The following RAPH1 variants were observed in gnomAD, a reference collection of about 807,000 sequenced individuals.
RAPH1 encodes Ras association (RalGDS/AF-6) and pleckstrin homology domains 1, also known as ras-associated and pleckstrin homology domains-containing protein 1.
A neutral mutation model predicts 88.1 loss-of-function variants in RAPH1; 18 were observed. That is an observed-to-expected ratio of 0.20 (90% CI 0.14 to 0.30). The LOEUF is 0.30. Ranked by LOEUF, RAPH1 falls within the 10% of genes least tolerant of loss-of-function variation. The probability of loss-of-function intolerance (pLI) is 1.00; values close to 1 mark genes in which losing one functional copy is unlikely to be tolerated. For missense variants in RAPH1, 1,448 were observed against 1,543.2 expected (o/e 0.94, Z 1.03); for synonymous variants, 587 against 559.0 (o/e 1.05, Z -0.71).
rs1311397917 is a variant in RAPH1, at chr2:203,454,481, C to T, written c.1362G>A (p.Gln454=). 1.2e-6 allele frequency: 2 copies of T among 1,613,538 alleles called. No individual in the cohort carries two copies. The highest frequency in any genetic ancestry group is 1.6e-4 in the Middle Eastern group (1 of 6,084). ...GTGCTTTGTATTTGTTCCGATAGTC[C>T]TGGCCATAATAAACGTTGACATGAT... ...QLDHVNVYYG[Q]DYRNKYKAPT... The change falls in exon 10 of 14, where the codon CAG becomes CAA. Residue 454 remains glutamine (Q), a synonymous_variant. Coordinates refer to ENST00000319170, the MANE Select transcript of RAPH1 (RefSeq NM_213589.3).
At chr2:203,525,997 G>GA (rs1690098399) in intron 1 of RAPH1, among the ~76,000 whole-genome samples, 1 of 149,886 alleles carries the variant, frequency 6.7e-6, no homozygotes, top group South Asian at 2.1e-4. Context: ...GAGGTGTTCC[G>GA]AAAAAAAATA....
At chr2:203,482,625 C>T (rs867821114) in intron 4 of RAPH1, among the ~76,000 whole-genome samples, 4 of 152,026 alleles carry the variant, frequency 2.6e-5, no homozygotes, top group African/African-American at 9.7e-5. Context: ...TAAAAATACA[C>T]TGTCATGTAT....
At chr2:203,452,850 A>C (rs796269752) in intron 10 of RAPH1, among the ~76,000 whole-genome samples, 10 of 152,268 alleles carry the variant, frequency 6.6e-5, no homozygotes, top group African/African-American at 2.4e-4. Context: ...CGGGAAGCTA[A>C]GGCATGAGAA....
chr2:203,477,430 T>C (rs1687513878), intron 4 of RAPH1, among the ~76,000 whole-genome samples: 1 of 152,180 alleles, frequency 6.6e-6, no homozygotes, highest in Non-Finnish European at 1.5e-5. Context: ...GCAGAAACAT[T>C]ATGTCTAATA....
chr2:203,442,053 AG>A (rs763283439), intron 13 of RAPH1: 19 of 1,595,538 alleles, frequency 1.2e-5, no homozygotes, highest in Non-Finnish European at 1.5e-5. Context: ...ATGCAGGTAA[AG>A]GGGGGACATT....
chr2:203,503,724 T>C (rs1181863343), intron 1 of RAPH1, among the ~76,000 whole-genome samples: 7 of 152,216 alleles, frequency 4.6e-5, no homozygotes, highest in Admixed American at 3.3e-4. Flanking sequence ...AAGTCCCATC[T>C]GAGACAAGGC....
intron 1 of RAPH1, among the ~76,000 whole-genome samples, chr2:203,518,997 T>TC (rs1581402571): frequency 6.6e-6 from 1 of 152,218 alleles, no homozygotes. Context: ...CTAAAGAAAC[T>TC]CCATCAATAA....
chr2:203,474,430 C>T (rs1559471032), intron 4 of RAPH1, among the ~76,000 whole-genome samples: 1 of 152,204 alleles, frequency 6.6e-6, no homozygotes, highest in Non-Finnish European at 1.5e-5. Context: ...TTGCTTATAA[C>T]AATCTGAGCT....
chr2:203,466,710 C>A (rs1440112023), intron 4 of RAPH1, among the ~76,000 whole-genome samples: 2 of 152,182 alleles, frequency 1.3e-5, no homozygotes, highest in African/African-American at 4.8e-5. Context: ...ATTTCTCTCC[C>A]ATACCTTCTC....
At chr2:203,466,654 T>A (rs1329728616) in intron 4 of RAPH1, among the ~76,000 whole-genome samples, 3 of 152,234 alleles carry the variant, frequency 2.0e-5, no homozygotes, top group Non-Finnish European at 1.5e-5. Flanking sequence ...TCTTCACAAC[T>A]ATATTAAACT....
chr2:203,455,631 A>C (rs780575196), intron 8 of RAPH1, 51 bp from the exon 9 acceptor site: 23 of 1,573,388 alleles, frequency 1.5e-5, no homozygotes, highest in Admixed American at 1.2e-4. Flanking sequence ...GATTCTCAGA[A>C]CAAAGTTGTG....
At chr2:203,481,716 C>T (rs1242057340) in intron 4 of RAPH1, among the ~76,000 whole-genome samples, 1 of 150,100 alleles carries the variant, frequency 6.7e-6, no homozygotes, top group Non-Finnish European at 1.5e-5. Flanking sequence ...CTCAGCCTCC[C>T]GAGTAGCTGG....
chr2:203,496,044 T>C (rs554108090), intron 1 of RAPH1, among the ~76,000 whole-genome samples: 1 of 152,342 alleles, frequency 6.6e-6, no homozygotes, highest in East Asian at 1.9e-4. Flanking sequence ...AAGAAGAAAT[T>C]ATCTTCCTTC....
chr2:203,522,693 G>A (rs1174147675), intron 1 of RAPH1, among the ~76,000 whole-genome samples: 1 of 151,958 alleles, frequency 6.6e-6, no homozygotes, highest in East Asian at 1.9e-4. Context: ...CCTGAGGTCA[G>A]GAGTTCGAGA....
In RAPH1 at chr2:203,518,829, A is replaced by T. The variant is rs566432808; in HGVS notation, c.-1+16282T>A. ...CACTGCACTCTAGCATGGGCAACAGAACAAAATCCTGTCTCTTTAAAGAAA... is the reference window on the plus strand; with the variant it reads ...CACTGCACTCTAGCATGGGCAACAGTACAAAATCCTGTCTCTTTAAAGAAA... On this transcript the variant is annotated intron_variant, in intron 1 of 13. Transcript: ENST00000319170. 1.4e-4 allele frequency among the ~76,000 whole-genome samples: 21 copies of T among 152,310 alleles called. No homozygotes were observed. The South Asian group carries it at 4.4e-3, about 32-fold the overall frequency.
intron 4 of RAPH1, among the ~76,000 whole-genome samples, chr2:203,462,982 T>C (rs149725565): frequency 2.6e-5 from 4 of 152,054 alleles, no homozygotes; most frequent in African/African-American, 9.6e-5. Context: ...GGCAGATCAT[T>C]TGAGGTCAGG....
intron 9 of RAPH1, among the ~76,000 whole-genome samples, chr2:203,454,925 C>T (rs916382673): frequency 7.2e-5 from 11 of 152,126 alleles, no homozygotes; most frequent in African/African-American, 2.7e-4. Flanking sequence ...TGATTCGCAA[C>T]TGGTTGGGGG....
At position 203,453,461 on chromosome 2, in the gene RAPH1, G is replaced by A. The variant is rs189655151; in HGVS notation, c.1413+969C>T. Among the ~76,000 whole-genome samples the A allele has an allele frequency of 1.5e-4, 22 of 147,688 alleles. No individual in the cohort carries two copies. The East Asian group carries it at 3.8e-3, about 26-fold the overall frequency. ...CTTGGGAGACTGAGCTGGGAATATC[G>A]CTGGAGCCTGAGAAGTCGAGGCTAC... On this transcript the variant is annotated intron_variant, in intron 10 of 13. Transcript: ENST00000319170.
At chr2:203,507,670 G>C (rs916592446) in intron 1 of RAPH1, among the ~76,000 whole-genome samples, 2 of 152,068 alleles carry the variant, frequency 1.3e-5, no homozygotes, top group African/African-American at 4.8e-5. Context: ...TGATGGCCAA[G>C]AAACAAAGAA....
Sources: gnomAD v4.1 joint callset for allele counts (sites outside exome capture counted in the v4.1 genomes callset) on GRCh38, gnomAD v4.1.1 for gene constraint, MANE v1.5 for transcripts, NCBI Gene and HGNC (gene_info 2026-07-23, HGNC 2026-07-21) for gene names.